BCAR3: variants seen among roughly 807,000 people sequenced by gnomAD.
The protein encoded by BCAR3 is BCAR3 adaptor protein, NSP family member, also known as breast cancer anti-estrogen resistance protein 3.
Under a neutral mutation model 80.1 loss-of-function variants are expected in BCAR3, and 37 were observed. The observed-to-expected ratio is 0.46, with a 90% CI of 0.36 to 0.61. The LOEUF (loss-of-function observed/expected upper bound fraction) is 0.61, where lower values mean the gene tolerates loss of function less well. BCAR3 is among the 20% of genes least tolerant of loss of function. The pLI is 0.00. For missense variants in BCAR3, 978 were observed against 1,068.2 expected (o/e 0.92, Z 1.18); for synonymous variants, 389 against 418.9 (o/e 0.93, Z 0.87).
intron 2 of BCAR3, among the ~76,000 whole-genome samples, chr1:93,717,182 G>A (rs1650218527): frequency 6.6e-6 from 1 of 152,220 alleles, no homozygotes; most frequent in Non-Finnish European, 1.5e-5. Flanking sequence ...GAGCAGAGAT[G>A]AGTCATCCTA....
rs144446006 is a variant in BCAR3, at chr1:93,650,177, G to A, written c.318-7834C>T. 3.2e-3 allele frequency among the ~76,000 whole-genome samples: 488 copies of A among 152,280 alleles called. 15 individuals carry two copies. In the South Asian group the frequency reaches 0.056, roughly 17 times the overall value. On this transcript the variant is annotated intron_variant, in intron 2 of 11. Transcript: ENST00000260502. ...AGGCAGGCAGATCACTTGAGGTCAC[G>A]AGTTCGAGACCAGCCTGGCCAACAT...
At chr1:93,653,221 CCAAA>C (rs1298464172) in intron 2 of BCAR3, among the ~76,000 whole-genome samples, 5 of 152,252 alleles carry the variant, frequency 3.3e-5, no homozygotes, top group South Asian at 4.2e-4. Context: ...AAGAGTATTG[CCAAA>C]CAAATGTTTT....
intron 2 of BCAR3, among the ~76,000 whole-genome samples, chr1:93,747,660 G>A (rs12132405): frequency 1.3e-5 from 2 of 151,322 alleles, no homozygotes; most frequent in Non-Finnish European, 2.9e-5. Context: ...CATATAATTT[G>A]AGCTGCTACC....
intron 2 of BCAR3, among the ~76,000 whole-genome samples, chr1:93,655,859 AC>A (rs1041872918): frequency 1.4e-4 from 22 of 152,352 alleles, no homozygotes; most frequent in African/African-American, 5.3e-4. Context: ...CTTCAGACCA[AC>A]AAAAATAGTC....
In BCAR3 at chr1:93,837,853, T is replaced by G. The variant is rs549836416; in HGVS notation, c.-63+7714A>C. Reference sequence around the variant, plus strand: ...GCTCAATGAGAATGGGCTCTGGCCCTTACTTCATGTTAGTACCTATGAGCT... The same window carrying G: ...GCTCAATGAGAATGGGCTCTGGCCCGTACTTCATGTTAGTACCTATGAGCT... On this transcript the variant is annotated intron_variant, in intron 2 of 13. Coordinates refer to the BCAR3 transcript ENST00000370244. Among the ~76,000 whole-genome samples, 5 of 152,344 alleles carry G rather than the reference T, an allele frequency of 3.3e-5. No homozygotes were observed. The East Asian group carries it at 9.6e-4, about 29-fold the overall frequency.
At chr1:93,782,908 T>C (rs998696506) in intron 2 of BCAR3, among the ~76,000 whole-genome samples, 33 of 152,228 alleles carry the variant, frequency 2.2e-4, no homozygotes, top group African/African-American at 7.7e-4. Flanking sequence ...TTTCAACACA[T>C]ACAACCAACA....
intron 7 of BCAR3, among the ~76,000 whole-genome samples, chr1:93,576,926 G>T (rs1025628116): frequency 6.6e-6 from 1 of 152,184 alleles, no homozygotes; most frequent in East Asian, 1.9e-4. Flanking sequence ...AGGCCAAGGT[G>T]GGGGGACTGC....
intron 3 of BCAR3, among the ~76,000 whole-genome samples, chr1:93,694,653 A>G (rs1052306159): frequency 5.3e-5 from 8 of 152,292 alleles, no homozygotes; most frequent in Non-Finnish European, 8.8e-5. Context: ...GATCATCAGA[A>G]TCATGCACAT....
At chr1:93,774,770 C>A (rs888253323) in intron 2 of BCAR3, among the ~76,000 whole-genome samples, 14 of 152,212 alleles carry the variant, frequency 9.2e-5, no homozygotes, top group African/African-American at 3.4e-4. Context: ...GTTTCTCACA[C>A]ATCTTCAATG....
chr1:93,811,202 G>A (rs372210505), intron 2 of BCAR3, among the ~76,000 whole-genome samples: 59 of 152,088 alleles, frequency 3.9e-4, no homozygotes, highest in East Asian at 3.5e-3. Flanking sequence ...TGGCCAGTGC[G>A]GCTTCCAGAT....
intron 5 of BCAR3, 138 bp downstream of exon 5, chr1:93,588,839 T>C: frequency 1.0e-6 from 1 of 979,664 alleles, no homozygotes; most frequent in East Asian, 2.7e-5. Flanking sequence ...CACTGCCTCG[T>C]GACAGCTATT....
At chr1:93,624,350 G>C (rs1675397253) in intron 3 of BCAR3, among the ~76,000 whole-genome samples, 3 of 152,202 alleles carry the variant, frequency 2.0e-5, no homozygotes, top group Admixed American at 6.5e-5. Flanking sequence ...CTTCTTTCCA[G>C]GTCAAAGGAC....
chr1:93,652,978 A>G (rs1483484687), intron 2 of BCAR3, among the ~76,000 whole-genome samples: 3 of 152,200 alleles, frequency 2.0e-5, no homozygotes, highest in Non-Finnish European at 2.9e-5. Flanking sequence ...TTTGTTTCTC[A>G]TTAGTAACCA....
In BCAR3 at chr1:93,571,740, A is replaced by G; in HGVS notation, c.1904T>C (p.Val635Ala). ...GTCCCCCATGGAATCCTTCAGTTCC[A>G]CCGCCACCTGGATGATCTTACTCAG... is the stretch of plus-strand genomic sequence containing the variant. ...ATLSKIIQVA[V>A]ELKDSMGDLY... Residue 635 changes from valine (V) to alanine (A), a missense_variant, in exon 9 of 12, where the codon GTG becomes GCG. Physicochemically the swap from Val to Ala is moderately conservative, Grantham distance 64. Coordinates refer to ENST00000260502, the MANE Select transcript of BCAR3 (RefSeq NM_003567.4). The G allele has an allele frequency of 1.2e-6, 2 of 1,614,122 alleles. No individual in the cohort carries two copies. Among genetic ancestry groups the G allele is most frequent in the Non-Finnish European group, 1.7e-6 (2 of 1,180,006 alleles).
chr1:93,643,300 G>A lies in BCAR3; in HGVS notation c.318-957C>T, dbSNP rs181158520. Among the ~76,000 whole-genome samples the A allele has an allele frequency of 4.0e-5, 6 of 151,102 alleles. 1 individual carries two copies. Among genetic ancestry groups the A allele is most frequent in the East Asian group, 3.9e-4 (2 of 5,160 alleles). On this transcript the variant is annotated intron_variant, in intron 2 of 11. Coordinates refer to ENST00000260502, the MANE Select transcript of BCAR3 (RefSeq NM_003567.4). Reference sequence around the variant, plus strand: ...GCATTTTGGGGGGGCCGAGGCAGGCGGATCATTTGAGGTCAGGAGTTGGAG... The same window carrying A: ...GCATTTTGGGGGGGCCGAGGCAGGCAGATCATTTGAGGTCAGGAGTTGGAG...
intron 5 of BCAR3, chr1:93,585,047 C>T (rs561658489): frequency 2.9e-4 from 288 of 985,446 alleles, no homozygotes; most frequent in Middle Eastern, 1.6e-3. Context: ...AGCAACCTTT[C>T]GAAGATAAGA....
At chr1:93,661,480 C>A (rs1262557290) in intron 2 of BCAR3, among the ~76,000 whole-genome samples, 1 of 151,438 alleles carries the variant, frequency 6.6e-6, no homozygotes, top group Non-Finnish European at 1.5e-5. Flanking sequence ...CCATACCTGG[C>A]CCAGTGTAGC....
At chr1:93,721,708 C>T (rs1043293863) in intron 2 of BCAR3, among the ~76,000 whole-genome samples, 8 of 152,348 alleles carry the variant, frequency 5.3e-5, no homozygotes, top group Non-Finnish European at 7.3e-5. Flanking sequence ...TGCCTCTCAC[C>T]GATTCCAATG....
chr1:93,602,905 G>A (rs993997134), intron 3 of BCAR3, among the ~76,000 whole-genome samples: 2 of 152,198 alleles, frequency 1.3e-5, no homozygotes, highest in Admixed American at 6.5e-5. Context: ...CACTTGTGGC[G>A]ATCCTAAAGC....
Sources: allele counts gnomAD v4.1 joint callset (sites outside exome capture counted in the v4.1 genomes callset), GRCh38; gene constraint gnomAD v4.1.1; transcripts MANE v1.5; gene names NCBI Gene and HGNC (gene_info 2026-07-23, HGNC 2026-07-21).